The following CNNM2 variants were observed in gnomAD, a reference collection of about 807,000 sequenced individuals.
CNNM2 encodes the protein cyclin and CBS domain divalent metal cation transport mediator 2, also known as metal transporter CNNM2.
Under a neutral mutation model 66.9 loss-of-function variants are expected in CNNM2, and 12 were observed. That is an observed-to-expected ratio of 0.18 (90% CI 0.11 to 0.29). The LOEUF (loss-of-function observed/expected upper bound fraction) is 0.29. CNNM2 is among the 10% of genes least tolerant of loss of function. The probability of loss-of-function intolerance (pLI) is 1.00; values close to 1 mark genes in which losing one functional copy is unlikely to be tolerated. For synonymous variants in CNNM2, 557 were observed against 501.8 expected, an observed-to-expected ratio of 1.11 and a Z score of -1.47; for missense variants, 705 against 1,167.7, an observed-to-expected ratio of 0.60 and a Z score of 5.77.
intron 1 of CNNM2, among the ~76,000 whole-genome samples, chr10:102,922,084 C>T (rs1013327261): frequency 1.3e-5 from 2 of 152,178 alleles, no homozygotes; most frequent in Admixed American, 6.5e-5. Context: ...TAATATTTCC[C>T]TATGAATTCT....
chr10:103,006,309 C>G (rs993178582), intron 1 of CNNM2, among the ~76,000 whole-genome samples: 1 of 151,646 alleles, frequency 6.6e-6, no homozygotes, highest in African/African-American at 2.4e-5. Flanking sequence ...GGGGTTCAAG[C>G]AATTCTCCTG....
chr10:102,952,490 G>A (rs2134193086), intron 1 of CNNM2, among the ~76,000 whole-genome samples: 1 of 152,174 alleles, frequency 6.6e-6, no homozygotes. Flanking sequence ...CATGAACCTG[G>A]GAGGCGGAGC....
intron 6 of CNNM2, among the ~76,000 whole-genome samples, chr10:103,072,913 G>T (rs556926517): frequency 6.6e-6 from 1 of 152,366 alleles, no homozygotes; most frequent in South Asian, 2.1e-4. Context: ...ATTGCTGGTG[G>T]TGTATGTAAC....
rs528322719 is a variant in CNNM2, at chr10:103,045,595, C to G, written c.1622-4112C>G. 4.9e-4 allele frequency among the ~76,000 whole-genome samples: 74 copies of G among 151,958 alleles called. No homozygotes were observed. The South Asian group carries it at 0.014, about 30-fold the overall frequency. ...TTTAAAGCTCTTGCACCCCACCCCCCGCCACCGCCACCAAGAAAACACTCT... is the reference window on the plus strand; with the variant it reads ...TTTAAAGCTCTTGCACCCCACCCCCGGCCACCGCCACCAAGAAAACACTCT... On this transcript the variant is annotated intron_variant, in intron 1 of 7. Coordinates refer to ENST00000369878, the MANE Select transcript of CNNM2 (RefSeq NM_017649.5).
rs566236629 is a variant in CNNM2 at position 103,023,029 on chromosome 10, A to G, written c.1622-26678A>G. ...GTGATTCTCCTACCTCAGCCTCTCAAGTAGCTGGGATTACAGGTGCACACC... is the reference window on the plus strand; with the variant it reads ...GTGATTCTCCTACCTCAGCCTCTCAGGTAGCTGGGATTACAGGTGCACACC... On this transcript the variant is annotated intron_variant, in intron 1 of 7. Transcript: ENST00000369878. Among the ~76,000 whole-genome samples the G allele has an allele frequency of 6.6e-5, 10 of 152,180 alleles. No individual in the cohort carries two copies. The East Asian group carries it at 1.4e-3, about 21-fold the overall frequency.
chr10:102,993,586 A>G (rs1166844313), intron 1 of CNNM2, among the ~76,000 whole-genome samples: 1 of 151,764 alleles, frequency 6.6e-6, no homozygotes, highest in Non-Finnish European at 1.5e-5. Context: ...ATTGTTTGTG[A>G]TTGTGGCTTG....
intron 1 of CNNM2, among the ~76,000 whole-genome samples, chr10:102,982,064 A>G (rs943334417): frequency 2.0e-5 from 3 of 152,178 alleles, no homozygotes; most frequent in Non-Finnish European, 2.9e-5. Flanking sequence ...TTTTGGAACT[A>G]TAGTCATTTG....
At chr10:102,923,991 G>C (rs1348688185) in intron 1 of CNNM2, among the ~76,000 whole-genome samples, 4 of 152,130 alleles carry the variant, frequency 2.6e-5, no homozygotes, top group Admixed American at 2.6e-4. Context: ...TGTATAACTG[G>C]TTGCTAATGA....
At chr10:103,005,647 C>G (rs910356759) in intron 1 of CNNM2, among the ~76,000 whole-genome samples, 2 of 151,860 alleles carry the variant, frequency 1.3e-5, no homozygotes, top group African/African-American at 2.4e-5. Context: ...GAAACTCCGT[C>G]TCTCAAAAAA....
At position 103,071,850 on chromosome 10, in the gene CNNM2, A is replaced by T. The variant is rs764381851; in HGVS notation, c.2233+11A>T. 18 of 1,612,702 alleles carry T rather than the reference A, an allele frequency of 1.1e-5. No individual in the cohort carries two copies. Among genetic ancestry groups the T allele is most frequent in the Non-Finnish European group, 1.5e-5 (18 of 1,178,778 alleles). On this transcript the variant is annotated intron_variant, in intron 6 of 7. Transcript: ENST00000369878. ...CAGCAGGTTCTCCAGGTAATTCTGC[A>T]TGCTTCCTTTCCGTAATTCTCCTGA...
rs2065799096 is a variant in CNNM2, at chr10:103,085,670, TTTAAA to T, written c.*8493_*8497del. The T allele has an allele frequency of 6.6e-6, 1 of 152,236 alleles. No individual in the cohort carries two copies. The highest frequency in any genetic ancestry group is 2.4e-5 in the African/African-American group (1 of 41,460). 9.4% of individuals were successfully genotyped at this position (152,236 alleles called of 1,614,324 possible). A position where few individuals can be genotyped will look rare whatever the true frequency, so the allele number is the denominator to read the frequency against. On this transcript the variant is annotated 3_prime_UTR_variant, in exon 8 of 8. Coordinates refer to ENST00000369878, the MANE Select transcript of CNNM2 (RefSeq NM_017649.5). ...TCAAAATTCATCATTGTGTTTTAAA[TTTAAA>T]TTGGAAAACATAGATTCCTCATCCT...
intron 1 of CNNM2, among the ~76,000 whole-genome samples, chr10:103,015,333 T>G (rs2064423263): frequency 6.6e-6 from 1 of 152,142 alleles, no homozygotes; most frequent in Non-Finnish European, 1.5e-5. Flanking sequence ...CTTACCCAAT[T>G]TTTGACCACA....
intron 5 of CNNM2, among the ~76,000 whole-genome samples, chr10:103,069,799 A>C (rs968364731): frequency 6.6e-6 from 1 of 152,226 alleles, no homozygotes; most frequent in African/African-American, 2.4e-5. Context: ...CTGGGGTGCC[A>C]CCTTGTGGCA....
At position 103,018,686 on chromosome 10, in the gene CNNM2, C is replaced by CTTTT. The variant is rs370000130; in HGVS notation, c.1622-31003_1622-31000dup. On this transcript the variant is annotated intron_variant, in intron 1 of 7. Transcript: ENST00000369878. ...AGCAAGGTAAATATACTCTTCTTTC[C>CTTTT]TTTTTTTTTTTTTTTTTTTTTGAGA... 1.6e-3 allele frequency among the ~76,000 whole-genome samples: 189 copies of CTTTT among 116,256 alleles called. 5 individuals carry two copies. The highest frequency in any genetic ancestry group is 5.3e-3 in the African/African-American group (153 of 28,738). 76.3% of individuals were successfully genotyped at this position (116,256 alleles called of 152,430 possible).
At chr10:103,002,896 T>C (rs1402940304) in intron 1 of CNNM2, among the ~76,000 whole-genome samples, 1 of 152,192 alleles carries the variant, frequency 6.6e-6, no homozygotes, top group Non-Finnish European at 1.5e-5. Flanking sequence ...GCAATTCTGC[T>C]ACTAGGTATA....
intron 1 of CNNM2, among the ~76,000 whole-genome samples, chr10:102,926,338 T>C (rs1329137606): frequency 6.6e-6 from 1 of 152,154 alleles, no homozygotes; most frequent in Non-Finnish European, 1.5e-5. Context: ...CCTGACTAAG[T>C]AGGAGCTGGA....
rs7899608 is a variant in CNNM2, at chr10:102,967,547, C to T, written c.1621+47446C>T. Among the ~76,000 whole-genome samples the T allele has an allele frequency of 0.12, 18,023 of 152,240 alleles. 1,228 individuals are homozygous for T. Among genetic ancestry groups the T allele is most frequent in the Non-Finnish European group, 0.15 (10,081 of 68,000 alleles). On this transcript the variant is annotated intron_variant, in intron 1 of 7. Coordinates refer to ENST00000369878, the MANE Select transcript of CNNM2 (RefSeq NM_017649.5). ...ATAGGTAGTCTTTTTTGTTTGGCTA[C>T]TTTCACTTAGCAAAATGTTTTTGAG...
intron 1 of CNNM2, among the ~76,000 whole-genome samples, chr10:103,037,274 A>G (rs1325648100): frequency 6.7e-6 from 1 of 148,188 alleles, no homozygotes; most frequent in Non-Finnish European, 1.5e-5. Context: ...ATAAATATAT[A>G]TATTTTATTT....
intron 1 of CNNM2, among the ~76,000 whole-genome samples, chr10:103,029,559 C>G (rs1391368521): frequency 6.6e-6 from 1 of 151,614 alleles, no homozygotes; most frequent in Non-Finnish European, 1.5e-5. Flanking sequence ...AATAATCTCA[C>G]AGAGGACTAA....
Sources: gnomAD v4.1 joint callset for allele counts (sites outside exome capture counted in the v4.1 genomes callset) on GRCh38, gnomAD v4.1.1 for gene constraint, MANE v1.5 for transcripts, NCBI Gene and HGNC (gene_info 2026-07-23, HGNC 2026-07-21) for gene names.